DUS4L: variants seen among roughly 807,000 people sequenced by gnomAD.
DUS4L encodes dihydrouridine synthase 4 like, also known as tRNA-dihydrouridine(20a/20b) synthase [NAD(P)+]-like.
Under a neutral mutation model 33.8 loss-of-function variants are expected in DUS4L, and 31 were observed. The observed-to-expected ratio is 0.92, with a 90% confidence interval of 0.69 to 1.24. DUS4L has a LOEUF of 1.24. DUS4L is among the 50% of genes most tolerant of loss of function. DUS4L has a pLI of 0.00. For missense variants in DUS4L, 368 were observed against 388.6 expected (o/e 0.95, Z 0.45); for synonymous variants, 103 against 120.3 (o/e 0.86, Z 0.94).
chr7:107,575,276 G>T lies in DUS4L; in HGVS notation c.445G>T (p.Glu149Ter). 8.1e-6 allele frequency: 13 copies of T among 1,611,214 alleles called. No individual in the cohort carries two copies. Among genetic ancestry groups the T allele is most frequent in the Non-Finnish European group, 1.1e-5 (13 of 1,179,278 alleles). The part of the protein sequence containing the change: ...DMVKQVRNQV[E>*]TPGFSVSIKI... ...GGTGAAACAAGTAAGAAATCAAGTGGAAACCCCTGGATTTTCAGTTTCTAT... is the reference window on the plus strand; with the variant it reads ...GGTGAAACAAGTAAGAAATCAAGTGTAAACCCCTGGATTTTCAGTTTCTAT... Residue 149 changes from glutamate (E) to a stop codon, truncating the protein, a stop_gained, in exon 6 of 8, where the codon GAA (glutamate) becomes TAA (stop). Transcript: ENST00000265720. LOFTEE classifies it high-confidence loss of function.
intron 2 of DUS4L, 32 bp downstream of exon 2, chr7:107,564,708 C>T (rs933639703): frequency 4.6e-5 from 7 of 152,168 alleles, no homozygotes; most frequent in African/African-American, 7.2e-5. Flanking sequence ...TTTACTAATA[C>T]GTTCGCGTTT....
chr7:107,574,275 T>A (rs1277182944), intron 5 of DUS4L, among the ~76,000 whole-genome samples: 1 of 152,116 alleles, frequency 6.6e-6, no homozygotes, highest in Admixed American at 6.5e-5. Context: ...TTTCTTTCTA[T>A]ACCACAGTTA....
At chr7:107,571,303 T>G (rs1311708446) in intron 4 of DUS4L, 37 bp downstream of exon 4, 2 of 1,577,178 alleles carry the variant, frequency 1.3e-6, no homozygotes, top group Non-Finnish European at 1.7e-6. Flanking sequence ...TGTAAAACTT[T>G]TTAAATTTGT....
chr7:107,570,757 A>G (rs1335356392), intron 3 of DUS4L: 2 of 219,424 alleles, frequency 9.1e-6, no homozygotes, highest in Non-Finnish European at 1.8e-5. Context: ...TAGGTCAGAC[A>G]GAACATTTTC....
intron 2 of DUS4L, among the ~76,000 whole-genome samples, chr7:107,566,840 T>C (rs1192402138): frequency 6.6e-6 from 1 of 152,086 alleles, no homozygotes; most frequent in Admixed American, 6.6e-5. Context: ...CACAACTATC[T>C]TGGGTAGTTT....
intron 6 of DUS4L, 44 bp from the exon 7 acceptor site, chr7:107,576,322 G>C (rs1563116781): frequency 6.4e-7 from 1 of 1,558,684 alleles, no homozygotes; most frequent in Non-Finnish European, 8.7e-7. Context: ...TTAGCATTAA[G>C]ATTTGTGTGC....
At chr7:107,567,593 T>C (rs1804826147) in intron 3 of DUS4L, among the ~76,000 whole-genome samples, 1 of 152,212 alleles carries the variant, frequency 6.6e-6, no homozygotes, top group South Asian at 2.1e-4. Flanking sequence ...CATCTTCTAA[T>C]TGGATTGTTT....
intron 2 of DUS4L, among the ~76,000 whole-genome samples, chr7:107,564,893 C>T (rs1804461324): frequency 6.6e-6 from 1 of 152,154 alleles, no homozygotes; most frequent in Non-Finnish European, 1.5e-5. Flanking sequence ...TCCAGAGCTA[C>T]GTGGTTTTCT....
intron 2 of DUS4L, among the ~76,000 whole-genome samples, chr7:107,566,086 C>G (rs1037131744): frequency 6.6e-6 from 1 of 152,162 alleles, no homozygotes; most frequent in African/African-American, 2.4e-5. Context: ...CTCTTTTGCT[C>G]TCCCCTTTTC....
Position 107,567,138 on chromosome 7 carries a change from A to G in DUS4L, c.68A>G (p.His23Arg). ...AAAAAAGATCCCATAGAAATGTTTC[A>G]TTCTGGACAGCTGGTAAAAGTCTGT... ...ERKKDPIEMF[H>R]SGQLVKVCAP... Residue 23 changes from histidine (H) to arginine (R), a missense_variant, in exon 3 of 8, where the codon CAT becomes CGT. Transcript: ENST00000265720. The G allele has an allele frequency of 6.2e-7, 1 of 1,613,712 alleles. No homozygotes were observed. The highest frequency in any genetic ancestry group is 8.5e-7 in the Non-Finnish European group (1 of 1,179,762).
chr7:107,570,989 C>A, intron 3 of DUS4L, 156 bp from the exon 4 acceptor site: 1 of 946,180 alleles, frequency 1.1e-6, no homozygotes, highest in Non-Finnish European at 1.5e-6. Flanking sequence ...TATATAATAT[C>A]CAAGGTTTTT....
rs1805185683 is a variant in DUS4L, at chr7:107,571,054, G to T, written c.117-91G>T. 1.9e-6 allele frequency: 3 copies of T among 1,543,602 alleles called. No homozygotes were observed. The Admixed American group carries it at 5.2e-5, about 27-fold the overall frequency. On this transcript the variant is annotated intron_variant, in intron 3 of 7. Transcript: ENST00000265720. ...AGTAAATCTCCTCCATCTCCCCATA[G>T]GTAGAACTTTCTCTGATAAATATTT...
chr7:107,564,333 A>G (rs928093594), intron 1 of DUS4L, 124 bp downstream of exon 1: 9 of 380,522 alleles, frequency 2.4e-5, no homozygotes, highest in African/African-American at 1.5e-4. Flanking sequence ...TTTGCCCTCC[A>G]CACTCACAAG....
At chr7:107,566,678 T>A (rs1804735068) in intron 2 of DUS4L, among the ~76,000 whole-genome samples, 1 of 152,112 alleles carries the variant, frequency 6.6e-6, no homozygotes, top group South Asian at 2.1e-4. Flanking sequence ...CAAATGCCAG[T>A]CGAGTATCAT....
intron 7 of DUS4L, chr7:107,577,077 T>C (rs901511173): frequency 1.6e-5 from 8 of 497,194 alleles, no homozygotes; most frequent in Non-Finnish European, 2.3e-5. Flanking sequence ...ACTAATGGTT[T>C]AATGTAGAAA....
Position 107,564,023 on chromosome 7 carries a change from C to A in DUS4L, c.-297C>A, listed in dbSNP as rs1173146970. On this transcript the variant is annotated 5_prime_UTR_variant, in exon 1 of 8. Transcript: ENST00000265720. ...GCCCACCTGGCGAACTGACTCTCAG[C>A]CCGCGCCTGGGCTAAGCCTGGCTAG... 6.5e-7 allele frequency: 1 copy of A among 1,542,186 alleles called. No homozygotes were observed. The highest frequency in any genetic ancestry group is 8.7e-7 in the Non-Finnish European group (1 of 1,145,736).
intron 2 of DUS4L, among the ~76,000 whole-genome samples, chr7:107,565,224 C>T (rs2253833): frequency 0.2 from 30,434 of 152,146 alleles, 3,367 homozygotes; most frequent in East Asian, 0.33. Flanking sequence ...ACTCTGCATG[C>T]TCTCATGAGT....
At chr7:107,571,372 C>T in intron 4 of DUS4L, 106 bp downstream of exon 4, 1 of 1,413,064 alleles carries the variant, frequency 7.1e-7, no homozygotes, top group Non-Finnish European at 9.4e-7. Context: ...TGTGAAGAAG[C>T]TTTAGTTCTT....
intron 5 of DUS4L, chr7:107,574,771 G>C: frequency 3.7e-6 from 1 of 269,812 alleles, no homozygotes; most frequent in Non-Finnish European, 7.1e-6. Flanking sequence ...TACTCATTAG[G>C]AGGGTTAAAT....
Sources: gnomAD v4.1 joint callset for allele counts (sites outside exome capture counted in the v4.1 genomes callset) on GRCh38, gnomAD v4.1.1 for gene constraint, MANE v1.5 for transcripts, NCBI Gene and HGNC (gene_info 2026-07-23, HGNC 2026-07-21) for gene names.